Variants in MALRD1 observed in about 807,000 individuals in gnomAD.
The protein encoded by MALRD1 is MAM and LDL receptor class A domain containing 1, also known as MAM and LDL-receptor class A domain-containing protein 1.
Under a neutral mutation model 242.1 loss-of-function variants are expected in MALRD1, and 247 were observed. That is an observed-to-expected ratio of 1.02 (90% CI 0.92 to 1.13). MALRD1 has a LOEUF of 1.13. MALRD1 is among the 50% of genes most tolerant of loss of function. MALRD1 has a pLI of 0.00. For synonymous variants in MALRD1, 995 were observed against 866.6 expected (o/e 1.15, Z -2.60); for missense variants, 2,989 against 2,533.1 (o/e 1.18, Z -3.86).
rs549801992 is a variant in MALRD1 at position 19,364,505 on chromosome 10, G to C, written c.4441+12208G>C. Among the ~76,000 whole-genome samples, 123 of 152,186 alleles carry C rather than the reference G, an allele frequency of 8.1e-4. 1 individual carries two copies. The highest frequency in any genetic ancestry group is 2.8e-3 in the African/African-American group (115 of 41,558). On this transcript the variant is annotated intron_variant, in intron 26 of 39. Transcript: ENST00000454679. ...AAACTTAATCTTTACTGAAATATAAGGCAAGTTTGAAATTACAGAATTATT... is the reference window on the plus strand; with the variant it reads ...AAACTTAATCTTTACTGAAATATAACGCAAGTTTGAAATTACAGAATTATT...
chr10:19,202,271 C>G (rs1343701882), intron 14 of MALRD1, among the ~76,000 whole-genome samples: 1 of 151,998 alleles, frequency 6.6e-6, no homozygotes. Flanking sequence ...TATACATTCC[C>G]TCTGATTCTG....
chr10:19,673,710 T>C (rs566196338), intron 36 of MALRD1, among the ~76,000 whole-genome samples: 2 of 152,300 alleles, frequency 1.3e-5, no homozygotes, highest in African/African-American at 2.4e-5. Context: ...AATTTTTCAG[T>C]ATCATAAATA....
intron 14 of MALRD1, among the ~76,000 whole-genome samples, chr10:19,184,589 C>T (rs368989766): frequency 1.3e-5 from 2 of 152,050 alleles, no homozygotes; most frequent in African/African-American, 2.4e-5. Context: ...TGGTCTGTTG[C>T]CCAGGCTGGG....
chr10:19,597,490 G>A (rs966930383), intron 34 of MALRD1, among the ~76,000 whole-genome samples: 13 of 152,190 alleles, frequency 8.5e-5, no homozygotes, highest in Admixed American at 2.6e-4. Context: ...AGAGAATTCA[G>A]TGGCCACAAT....
At chr10:19,288,902 T>C (rs549777439) in intron 21 of MALRD1, among the ~76,000 whole-genome samples, 1 of 152,240 alleles carries the variant, frequency 6.6e-6, no homozygotes, top group Non-Finnish European at 1.5e-5. Context: ...AGATGGGCCT[T>C]ATACTAAAGA....
chr10:19,204,189 G>T, intron 15 of MALRD1, 119 bp from the exon 16 acceptor site: 1 of 712,934 alleles, frequency 1.4e-6, no homozygotes, highest in Non-Finnish European at 2.3e-6. Flanking sequence ...ATTGATTATT[G>T]TATAATTTTA....
chr10:19,601,731 T>C (rs561763584), intron 34 of MALRD1, among the ~76,000 whole-genome samples: 2 of 152,112 alleles, frequency 1.3e-5, no homozygotes, highest in East Asian at 3.9e-4. Context: ...AACTTGAAAA[T>C]AAGTTACCAG....
At chr10:19,657,147 C>T (rs1177461965) in intron 36 of MALRD1, among the ~76,000 whole-genome samples, 1 of 152,138 alleles carries the variant, frequency 6.6e-6, no homozygotes, top group Non-Finnish European at 1.5e-5. Flanking sequence ...TACTGTGGTG[C>T]ACTGGCAAAG....
At chr10:19,534,190 G>C (rs1329721559) in intron 32 of MALRD1, among the ~76,000 whole-genome samples, 2 of 152,162 alleles carry the variant, frequency 1.3e-5, no homozygotes, top group Admixed American at 1.3e-4. Context: ...CGCCATTACA[G>C]AAACTCAGCA....
intron 25 of MALRD1, among the ~76,000 whole-genome samples, chr10:19,350,734 T>C (rs928235666): frequency 1.3e-5 from 2 of 152,208 alleles, no homozygotes; most frequent in African/African-American, 4.8e-5. Flanking sequence ...ACGTATTTAC[T>C]GAGACATAAA....
intron 26 of MALRD1, among the ~76,000 whole-genome samples, chr10:19,359,758 A>G (rs985559156): frequency 1.8e-5 from 1 of 56,340 alleles, no homozygotes; most frequent in Non-Finnish European, 3.4e-5. Context: ...GATGAAGTAG[A>G]TGAAAAAAAA....
intron 13 of MALRD1, among the ~76,000 whole-genome samples, chr10:19,171,481 CAT>C (rs1834934604): frequency 7.3e-6 from 1 of 136,928 alleles, no homozygotes; most frequent in African/African-American, 2.9e-5. Flanking sequence ...TACACACACA[CAT>C]ATATACACAC....
intron 14 of MALRD1, among the ~76,000 whole-genome samples, chr10:19,181,733 A>AC (rs1247091945): frequency 3.0e-5 from 3 of 101,218 alleles, no homozygotes; most frequent in Non-Finnish European, 7.1e-5. Flanking sequence ...CTCTTGCCAC[A>AC]AAAAAAGAAA....
chr10:19,636,690 G>A (rs1225132965), intron 36 of MALRD1, among the ~76,000 whole-genome samples: 2 of 152,064 alleles, frequency 1.3e-5, no homozygotes, highest in East Asian at 3.9e-4. Context: ...CCTGAGGTCA[G>A]GAGTTCAAGA....
At chr10:19,313,786 A>G (rs1170841957) in intron 21 of MALRD1, among the ~76,000 whole-genome samples, 1 of 151,472 alleles carries the variant, frequency 6.6e-6, no homozygotes, top group Non-Finnish European at 1.5e-5. Context: ...ATAAAGTGTT[A>G]TTCTCCAGTG....
chr10:19,465,411 C>T (rs988308726), intron 29 of MALRD1, among the ~76,000 whole-genome samples: 1 of 152,106 alleles, frequency 6.6e-6, no homozygotes, highest in African/African-American at 2.4e-5. Context: ...ATGACTTTAA[C>T]ATATATTGTC....
At chr10:19,670,337 CT>C (rs1257169540) in intron 36 of MALRD1, among the ~76,000 whole-genome samples, 1 of 152,174 alleles carries the variant, frequency 6.6e-6, no homozygotes, top group East Asian at 1.9e-4. Flanking sequence ...ATCAGCCAGC[CT>C]TCACCTGTTG....
intron 30 of MALRD1, among the ~76,000 whole-genome samples, chr10:19,492,625 A>G (rs893398080): frequency 1.3e-5 from 2 of 152,220 alleles, no homozygotes; most frequent in Admixed American, 1.3e-4. Context: ...CATTGTACAC[A>G]GGGCTGGCTT....
At chr10:19,053,707 A>AG (rs1590363223) in intron 1 of MALRD1, among the ~76,000 whole-genome samples, 1 of 152,262 alleles carries the variant, frequency 6.6e-6, no homozygotes, top group East Asian at 1.9e-4. Context: ...CCTTAGTTCT[A>AG]AGGATTTGAC....
Sources: gnomAD v4.1 joint callset for allele counts (sites outside exome capture counted in the v4.1 genomes callset) on GRCh38, gnomAD v4.1.1 for gene constraint, MANE v1.5 for transcripts, NCBI Gene and HGNC (gene_info 2026-07-23, HGNC 2026-07-21) for gene names.